KLHL17: variants seen among roughly 807,000 people sequenced by gnomAD.
KLHL17 encodes the protein kelch-like protein 17.
In KLHL17, 71 loss-of-function variants were observed where a neutral mutation model predicts 64.6. The ratio of observed to expected loss-of-function variants is 1.10; its 90% CI spans 0.91 to 1.34. The LOEUF is 1.34. KLHL17 is among the 40% of genes most tolerant of loss of function. KLHL17 has a pLI of 0.00. For missense variants in KLHL17, 1,140 were observed against 935.0 expected (o/e 1.22, Z -2.86); for synonymous variants, 612 against 405.4 (o/e 1.51, Z -6.12).
Position 960,807 on chromosome 1 carries a change from G to T in KLHL17, c.107+7G>T. On this transcript the variant is annotated splice_region_variant and intron_variant, in intron 1 of 11. Coordinates refer to ENST00000338591, the MANE Select transcript of KLHL17 (RefSeq NM_198317.3). ...CACCGCCGCAGCCGCCGGCGTGAGTGGGCGGGGGTCGGGGCGCGGGGGGCG... is the reference window on the plus strand; with the variant it reads ...CACCGCCGCAGCCGCCGGCGTGAGTTGGCGGGGGTCGGGGCGCGGGGGGCG... 2 of 1,024,562 alleles carry T rather than the reference G, an allele frequency of 2.0e-6. No individual in the cohort carries two copies. Among genetic ancestry groups the T allele is most frequent in the Non-Finnish European group, 1.2e-6 (1 of 854,626 alleles). The allele number at this position is 1,024,562 out of a possible 1,614,324, so 63.5% of individuals were successfully genotyped here.
At position 960,720 on chromosome 1, in the gene KLHL17, C is replaced by T. The variant is rs1244974394; in HGVS notation, c.27C>T (p.Ala9=). 3.0e-6 allele frequency: 4 copies of T among 1,340,452 alleles called. No individual in the cohort carries two copies. Among genetic ancestry groups the T allele is most frequent in the Admixed American group, 3.1e-5 (1 of 32,186 alleles). 83.0% of individuals were successfully genotyped at this position (1,340,452 alleles called of 1,614,324 possible). Reference sequence around the variant, plus strand: ...TGCAGCCCCGCAGCGAGCGCCCGGCCGGCAGGACGCAGAGCCCGGAGCACG... The same window carrying T: ...TGCAGCCCCGCAGCGAGCGCCCGGCTGGCAGGACGCAGAGCCCGGAGCACG... MQPRSERP[A]GRTQSPEHGS... is the part of the protein sequence containing the mutation. Residue 9 remains alanine, a synonymous_variant, in exon 1 of 12, where the codon GCC becomes GCT. Transcript: ENST00000338591.
rs972619460 is a variant in KLHL17, at chr1:964,244, T to C, written c.1518+64T>C. ...GCCGCGGGGCCCTCCTCCCTCTGTT[T>C]ACCCACATCCCCCCCATTCCTGACA... On this transcript the variant is annotated intron_variant, in intron 10 of 11. Transcript: ENST00000338591. 3.1e-6 allele frequency: 5 copies of C among 1,601,224 alleles called. No individual in the cohort carries two copies. The African/African-American group carries it at 6.7e-5, about 21-fold the overall frequency.
In KLHL17 at chr1:962,639, G is replaced by A. The variant is rs1642710632; in HGVS notation, c.829-65G>A. On this transcript the variant is annotated intron_variant, in intron 5 of 11. Transcript: ENST00000338591. ...AGGTGGTACGGGCATCTGGGGGGTT[G>A]TCTCAGCCCTGACGCCCAGTGTGCC... The A allele has an allele frequency of 3.9e-6, 6 of 1,531,100 alleles. No homozygotes were observed. In the African/African-American group the frequency reaches 4.1e-5, roughly 10 times the overall value. The allele number at this position is 1,531,100 out of a possible 1,614,324, so 94.8% of individuals were successfully genotyped here. A position where few individuals can be genotyped will look rare whatever the true frequency, so the allele number is the denominator to read the frequency against.
rs1399015585 is a variant in KLHL17 at position 962,354 on chromosome 1, G to C, written c.712-1G>C. 1 of 1,612,654 alleles carries C rather than the reference G, an allele frequency of 6.2e-7. No individual in the cohort carries two copies. Among genetic ancestry groups the C allele is most frequent in the Admixed American group, 1.7e-5 (1 of 60,010 alleles). The stretch of plus-strand genomic sequence containing the variant: ...TCAGGTCTGAGGACCCCCACTCCCA[G>C]GTTCTGGAACTGGTCTCTAGCGACA... On this transcript the variant is annotated splice_acceptor_variant, in intron 4 of 11. Transcript: ENST00000338591. LOFTEE classifies it high-confidence loss of function.
In KLHL17 at chr1:963,134, C is replaced by T. The variant is rs1642735840; in HGVS notation, c.1068C>T (p.His356=). 3.7e-6 allele frequency: 6 copies of T among 1,612,030 alleles called. No individual in the cohort carries two copies. Among genetic ancestry groups the T allele is most frequent in the Non-Finnish European group, 4.2e-6 (5 of 1,179,570 alleles). Reference sequence around the variant, plus strand: ...GCGGCGGGAGCCTGTTTGCCATCCACGGAGACTGTGAGGCCTACGACACGC... The same window carrying T: ...GCGGCGGGAGCCTGTTTGCCATCCATGGAGACTGTGAGGCCTACGACACGC... ...AVGGGSLFAI[H]GDCEAYDTRT... Residue 356 remains histidine, a synonymous_variant, in exon 7 of 12, where the codon CAC becomes CAT. Coordinates refer to ENST00000338591, the MANE Select transcript of KLHL17 (RefSeq NM_198317.3).
rs183395380 is a variant in KLHL17, at chr1:963,815, A to C, written c.1356-105A>C. On this transcript the variant is annotated intron_variant, in intron 8 of 11. Transcript: ENST00000338591. Reference sequence around the variant, plus strand: ...GGTAGGACTTTGCGGTCTGAGTTTGACTCCTAGGGTAAGATTTCAGCCATT... The same window carrying C: ...GGTAGGACTTTGCGGTCTGAGTTTGCCTCCTAGGGTAAGATTTCAGCCATT... 16 of 1,292,048 alleles carry C rather than the reference A, an allele frequency of 1.2e-5. No homozygotes were observed. The East Asian group carries it at 3.7e-4, about 30-fold the overall frequency. The allele number at this position is 1,292,048 out of a possible 1,614,324, so 80.0% of individuals were successfully genotyped here. A position where few individuals can be genotyped will look rare whatever the true frequency, so the allele number is the denominator to read the frequency against.
chr1:960,731 A>T lies in KLHL17; in HGVS notation c.38A>T (p.Gln13Leu). Residue 13 changes from glutamine (Q) to leucine (L), a missense_variant, in exon 1 of 12, where the codon CAG becomes CTG. Coordinates refer to ENST00000338591, the MANE Select transcript of KLHL17 (RefSeq NM_198317.3). ...AGCGAGCGCCCGGCCGGCAGGACGC[A>T]GAGCCCGGAGCACGGCAGCCCGGGG... ...PRSERPAGRT[Q>L]SPEHGSPGPG... 1 of 1,330,580 alleles carries T rather than the reference A, an allele frequency of 7.5e-7. No individual in the cohort carries two copies. The highest frequency in any genetic ancestry group is 9.7e-7 in the Non-Finnish European group (1 of 1,033,008). 82.4% of individuals were successfully genotyped at this position (1,330,580 alleles called of 1,614,324 possible). A position where few individuals can be genotyped will look rare whatever the true frequency, so the allele number is the denominator to read the frequency against.
chr1:963,985 G>C lies in KLHL17; in HGVS notation c.1421G>C (p.Arg474Pro), dbSNP rs765142660. ...TSVAAMSTRR[R>P]YVRVATLDGN... ...GTCGCTGCCATGAGCACCCGGAGGC[G>C]CTATGTGCGAGTGGCCACGCTTGGT... The change falls in exon 9 of 12, where the codon CGC becomes CCC. Residue 474 changes from arginine (R) to proline (P), a missense_variant. Coordinates refer to ENST00000338591, the MANE Select transcript of KLHL17 (RefSeq NM_198317.3). 1 of 1,612,580 alleles carries C rather than the reference G, an allele frequency of 6.2e-7. No homozygotes were observed. Among genetic ancestry groups the C allele is most frequent in the Non-Finnish European group, 8.5e-7 (1 of 1,179,924 alleles).
At chr1:963,825 TA>T in intron 8 of KLHL17, 94 bp from the exon 9 acceptor site, 1 of 1,353,162 alleles carries the variant, frequency 7.4e-7, no homozygotes, top group Non-Finnish European at 1.0e-6. Flanking sequence ...ACTCCTAGGG[TA>T]AGATTTCAGC....
In KLHL17 at chr1:962,761, G is replaced by C; in HGVS notation, c.886G>C (p.Asp296His). Residue 296 changes from aspartate (D) to histidine (H), a missense_variant, in exon 6 of 12, where the codon GAT (aspartate) becomes CAT (histidine). Transcript: ENST00000338591. Reference protein sequence around the residue: ...LSRDFLLGHVDAESLVRHHPD... With the variant: ...LSRDFLLGHVHAESLVRHHPD... ...CCGCGACTTCCTGCTGGGCCACGTG[G>C]ATGCCGAGAGCCTGGTGAGGCACCA... 1 of 1,611,152 alleles carries C rather than the reference G, an allele frequency of 6.2e-7. No homozygotes were observed.
In KLHL17 at chr1:961,720, T is replaced by A; in HGVS notation, c.459T>A (p.Ala153=). ...AGCTGGTGCAGTTTGCCTACACGGC[T>A]GAGATTGTGGTGGGCGAGGGCAATG... ...LDQLVQFAYT[A]EIVVGEGNVQ... Residue 153 remains alanine (A), a synonymous_variant, in exon 3 of 12, where the codon GCT becomes GCA. Coordinates refer to ENST00000338591, the MANE Select transcript of KLHL17 (RefSeq NM_198317.3). 1.2e-6 allele frequency: 2 copies of A among 1,611,460 alleles called. No homozygotes were observed. The highest frequency in any genetic ancestry group is 2.7e-5 in the African/African-American group (2 of 74,984).
At position 965,402 on chromosome 1, in the gene KLHL17, G is replaced by A; in HGVS notation, c.*211G>A. ...TACACCTTTAGCGTCTGGTCCTCCT[G>A]CGTGTCCTCCCCTCCACTGCCTGCA... On this transcript the variant is annotated 3_prime_UTR_variant, in exon 12 of 12. Transcript: ENST00000338591. 1.7e-6 allele frequency: 1 copy of A among 592,650 alleles called. No homozygotes were observed. The highest frequency in any genetic ancestry group is 3.0e-6 in the Non-Finnish European group (1 of 338,242). The allele number at this position is 592,650 out of a possible 1,614,324, so 36.7% of individuals were successfully genotyped here.
intron 1 of KLHL17, 32 bp from the exon 2 acceptor site, chr1:961,261 G>A (rs775756223): frequency 2.6e-5 from 35 of 1,361,522 alleles, no homozygotes; most frequent in Non-Finnish European, 3.3e-5. Context: ...CGGCTCCAGC[G>A]GGGCGAAGCC....
At position 961,540 on chromosome 1, in the gene KLHL17, G is replaced by T; in HGVS notation, c.355G>T (p.Ala119Ser). The T allele has an allele frequency of 6.2e-7, 1 of 1,612,620 alleles. No individual in the cohort carries two copies. The highest frequency in any genetic ancestry group is 8.5e-7 in the Non-Finnish European group (1 of 1,179,972). The part of the protein sequence containing the change: ...VLASCSPYFH[A>S]MFTNEMSESR... ...GGCCTCCTGCAGCCCCTACTTCCACGCCATGTTCACAAGCAAGTACCCGCC... is the reference window on the plus strand; with the variant it reads ...GGCCTCCTGCAGCCCCTACTTCCACTCCATGTTCACAAGCAAGTACCCGCC... The change falls in exon 2 of 12, where the codon GCC becomes TCC. Residue 119 changes from alanine to serine, a missense_variant. By Grantham distance (99) the Ala-to-Ser change is moderately conservative. Coordinates refer to ENST00000338591, the MANE Select transcript of KLHL17 (RefSeq NM_198317.3).
chr1:960,593 C>T lies in KLHL17; in HGVS notation c.-101C>T. On this transcript the variant is annotated 5_prime_UTR_variant, in exon 1 of 12. Coordinates refer to ENST00000338591, the MANE Select transcript of KLHL17 (RefSeq NM_198317.3). Reference sequence around the variant, plus strand: ...TGCGGGCGGGAGCGGCGGGAGTGAGCGACACAGAGCGGGCCGCCACCGCCG... The same window carrying T: ...TGCGGGCGGGAGCGGCGGGAGTGAGTGACACAGAGCGGGCCGCCACCGCCG... 9.6e-7 allele frequency: 1 copy of T among 1,044,490 alleles called. No individual in the cohort carries two copies. The highest frequency in any genetic ancestry group is 1.2e-6 in the Non-Finnish European group (1 of 838,176). The allele number at this position is 1,044,490 out of a possible 1,614,324, so 64.7% of individuals were successfully genotyped here.
Position 962,713 on chromosome 1 carries a change from T to C in KLHL17, c.838T>C (p.Cys280Arg). ...RRQHVPRLMKCVRLPLLSRDF... is the reference protein window; with the variant it reads ...RRQHVPRLMKRVRLPLLSRDF... The stretch of plus-strand genomic sequence containing the variant: ...GTTCCCTGCACCCCAGCTCATGAAG[T>C]GTGTGCGGCTGCCCTTGCTGAGCCG... Residue 280 changes from cysteine (C) to arginine (R), a missense_variant, in exon 6 of 12, where the codon TGT (cysteine) becomes CGT (arginine). Coordinates refer to ENST00000338591, the MANE Select transcript of KLHL17 (RefSeq NM_198317.3). The C allele has an allele frequency of 3.8e-6, 6 of 1,598,842 alleles. No homozygotes were observed. Among genetic ancestry groups the C allele is most frequent in the East Asian group, 2.2e-5 (1 of 44,822 alleles).
At position 964,341 on chromosome 1, in the gene KLHL17, G is replaced by C. The variant is rs770804810; in HGVS notation, c.1519-8G>C. ...GGGTCTGCGTCCAGCCCACGCCCTCGCCCCCAGGTGAACGTGTGGTCGCCC... is the reference window on the plus strand; with the variant it reads ...GGGTCTGCGTCCAGCCCACGCCCTCCCCCCCAGGTGAACGTGTGGTCGCCC... On this transcript the variant is annotated splice_polypyrimidine_tract_variant and splice_region_variant and intron_variant, in intron 10 of 11. Transcript: ENST00000338591. 30 of 1,549,896 alleles carry C rather than the reference G, an allele frequency of 1.9e-5. No homozygotes were observed. The highest frequency in any genetic ancestry group is 2.3e-5 in the Non-Finnish European group (27 of 1,150,236).
In KLHL17 at chr1:965,477, T is replaced by G; in HGVS notation, c.*286T>G. 1 of 478,988 alleles carries G rather than the reference T, an allele frequency of 2.1e-6. No homozygotes were observed. Among genetic ancestry groups the G allele is most frequent in the Non-Finnish European group, 3.7e-6 (1 of 269,660 alleles). The allele number at this position is 478,988 out of a possible 1,614,324, so 29.7% of individuals were successfully genotyped here. ...CGGGGGCCTCACCGCCCCAGGGCCG[T>G]TGCCTGCTCAGACCTTGCAGGCTGT... is the stretch of plus-strand genomic sequence containing the variant. On this transcript the variant is annotated 3_prime_UTR_variant, in exon 12 of 12. Coordinates refer to ENST00000338591, the MANE Select transcript of KLHL17 (RefSeq NM_198317.3).
rs1186065310 is a variant in KLHL17, at chr1:960,725, G to A, written c.32G>A (p.Arg11Lys). 1 of 1,342,826 alleles carries A rather than the reference G, an allele frequency of 7.4e-7. No homozygotes were observed. The highest frequency in any genetic ancestry group is 3.1e-5 in the Admixed American group (1 of 32,090). The allele number at this position is 1,342,826 out of a possible 1,614,324, so 83.2% of individuals were successfully genotyped here. A position where few individuals can be genotyped will look rare whatever the true frequency, so the allele number is the denominator to read the frequency against. ...CCCCGCAGCGAGCGCCCGGCCGGCA[G>A]GACGCAGAGCCCGGAGCACGGCAGC... MQPRSERPAG[R>K]TQSPEHGSPG... The change falls in exon 1 of 12, where the codon AGG becomes AAG. Residue 11 changes from arginine (R) to lysine (K), a missense_variant. By Grantham distance (26) the Arg-to-Lys change is conservative. Coordinates refer to ENST00000338591, the MANE Select transcript of KLHL17 (RefSeq NM_198317.3).
Sources: allele counts gnomAD v4.1 joint callset, GRCh38; gene constraint gnomAD v4.1.1; transcripts MANE v1.5; gene names NCBI Gene and HGNC (gene_info 2026-07-23, HGNC 2026-07-21).